GNAI3: variants seen among roughly 807,000 people sequenced by gnomAD.
GNAI3 encodes G protein subunit alpha i3.
Under a neutral mutation model 41.8 loss-of-function variants are expected in GNAI3, and 12 were observed. The ratio of observed to expected loss-of-function variants is 0.29; its 90% CI spans 0.18 to 0.47. GNAI3 has a LOEUF of 0.47. GNAI3 is among the 20% of genes least tolerant of loss of function. The pLI, the probability that GNAI3 is intolerant of heterozygous loss-of-function variation, is 1.00. For synonymous variants in GNAI3, 132 were observed against 146.5 expected (o/e 0.90, Z 0.71); for missense variants, 360 against 429.6 (o/e 0.84, Z 1.43).
chr1:109,571,050 T>C (rs899905385), intron 1 of GNAI3, among the ~76,000 whole-genome samples: 1 of 152,244 alleles, frequency 6.6e-6, no homozygotes, highest in Non-Finnish European at 1.5e-5. Flanking sequence ...TTTACTAATA[T>C]TTAATATACA....
At chr1:109,574,120 G>T in intron 3 of GNAI3, 83 bp downstream of exon 3, 1 of 955,852 alleles carries the variant, frequency 1.0e-6, no homozygotes, top group South Asian at 1.7e-5. Flanking sequence ...TCATGTTTTA[G>T]GGAAATGAAT....
chr1:109,563,553 G>C (rs1039038667), intron 1 of GNAI3, among the ~76,000 whole-genome samples: 2 of 151,970 alleles, frequency 1.3e-5, no homozygotes, highest in African/African-American at 2.4e-5. Context: ...TGAGTGAGCT[G>C]CCTTTTTTTT....
intron 5 of GNAI3, among the ~76,000 whole-genome samples, chr1:109,585,192 C>T (rs371591604): frequency 7.9e-5 from 12 of 152,222 alleles, no homozygotes; most frequent in African/African-American, 9.6e-5. Context: ...CTTCAAACAC[C>T]GATCACAAGT....
At chr1:109,577,306 T>A (rs1285840870) in intron 3 of GNAI3, among the ~76,000 whole-genome samples, 5 of 150,842 alleles carry the variant, frequency 3.3e-5, no homozygotes, top group Non-Finnish European at 5.9e-5. Flanking sequence ...AGATGGAGTT[T>A]TGCTCTGTCG....
intron 1 of GNAI3, among the ~76,000 whole-genome samples, chr1:109,551,164 C>G (rs1647974375): frequency 6.6e-6 from 1 of 152,196 alleles, no homozygotes; most frequent in South Asian, 2.1e-4. Flanking sequence ...TTAATTTTTA[C>G]CAACTTCATT....
At chr1:109,571,963 A>G (rs1410594953) in intron 1 of GNAI3, among the ~76,000 whole-genome samples, 1 of 151,954 alleles carries the variant, frequency 6.6e-6, no homozygotes, top group East Asian at 1.9e-4. Flanking sequence ...GAATGAGTTT[A>G]GATAGGGAAA....
chr1:109,594,646 A>ATTTTTTTTTTTTTTTTTTTT lies in GNAI3; in HGVS notation c.*2329_*2348dup, dbSNP rs34268993. ...CTTTTGGCTGGTGGGCTGGCAATCG[A>ATTTTTTTTTTTTTTTTTTTT]TTTTTTTTTTTTTTTTTTTTTTTTG... On this transcript the variant is annotated 3_prime_UTR_variant, in exon 9 of 9. Coordinates refer to ENST00000369851, the MANE Select transcript of GNAI3 (RefSeq NM_006496.4). 1.1e-5 allele frequency: 1 copy of ATTTTTTTTTTTTTTTTTTTT among 90,588 alleles called. No individual in the cohort carries two copies. 5.6% of individuals were successfully genotyped at this position (90,588 alleles called of 1,614,324 possible).
chr1:109,593,442 T>C lies in GNAI3; in HGVS notation c.*1120T>C, dbSNP rs572490772. The stretch of plus-strand genomic sequence containing the variant: ...AAACTGTTGCATTTTGGGACTTTTT[T>C]CCACTTTGTCATGTGTACATTTTTA... On this transcript the variant is annotated 3_prime_UTR_variant, in exon 9 of 9. Coordinates refer to ENST00000369851, the MANE Select transcript of GNAI3 (RefSeq NM_006496.4). The C allele has an allele frequency of 9.9e-4, 152 of 152,808 alleles. No individual in the cohort carries two copies. Among genetic ancestry groups the C allele is most frequent in the Non-Finnish European group, 1.7e-3 (117 of 68,046 alleles). The allele number at this position is 152,808 out of a possible 1,614,324, so 9.5% of individuals were successfully genotyped here.
chr1:109,559,345 G>C (rs1425432102), intron 1 of GNAI3, among the ~76,000 whole-genome samples: 1 of 152,188 alleles, frequency 6.6e-6, no homozygotes, highest in East Asian at 1.9e-4. Context: ...ACTCACATCA[G>C]AAATAGGAGA....
rs1395734664 is a variant in GNAI3, at chr1:109,557,108, G to A, written c.118+8270G>A. 3.3e-5 allele frequency among the ~76,000 whole-genome samples: 5 copies of A among 152,186 alleles called. No homozygotes were observed. In the Middle Eastern group the frequency reaches 0.014, roughly 414 times the overall value. On this transcript the variant is annotated intron_variant, in intron 1 of 8. Coordinates refer to ENST00000369851, the MANE Select transcript of GNAI3 (RefSeq NM_006496.4). ...GCACCACCGTGCCCAGCTATTTTTT[G>A]TATTTTTAGTAGAGACGGGGTTTCA...
chr1:109,567,333 A>G (rs10857792), intron 1 of GNAI3, among the ~76,000 whole-genome samples: 61,121 of 152,052 alleles, frequency 0.4, 14,306 homozygotes, highest in East Asian at 0.62. Context: ...GGAAGAGGAG[A>G]TGTTTCAGGT....
At chr1:109,574,359 C>A (rs1443516146) in intron 3 of GNAI3, among the ~76,000 whole-genome samples, 1 of 150,084 alleles carries the variant, frequency 6.7e-6, no homozygotes, top group Non-Finnish European at 1.5e-5. Flanking sequence ...TTAAAATAAT[C>A]TAAGAGAAAG....
chr1:109,566,747 G>A (rs1648465571), intron 1 of GNAI3, among the ~76,000 whole-genome samples: 1 of 152,134 alleles, frequency 6.6e-6, no homozygotes, highest in Admixed American at 6.6e-5. Context: ...ATTTTTAGTA[G>A]AGATGAGGTT....
Position 109,595,940 on chromosome 1 carries a change from A to AT in GNAI3, c.*3622dup, listed in dbSNP as rs1333662446. The stretch of plus-strand genomic sequence containing the variant: ...TCTTTCCTTTTCATGTGTAATACTG[A>AT]TTTTAAGAGCAATGATCTTAGTTTG... On this transcript the variant is annotated 3_prime_UTR_variant, in exon 9 of 9. Transcript: ENST00000369851. 1.3e-5 allele frequency: 2 copies of AT among 151,982 alleles called. No homozygotes were observed. The highest frequency in any genetic ancestry group is 2.9e-5 in the Non-Finnish European group (2 of 68,008). The allele number at this position is 151,982 out of a possible 1,614,324, so 9.4% of individuals were successfully genotyped here. A position where few individuals can be genotyped will look rare whatever the true frequency, so the allele number is the denominator to read the frequency against.
intron 4 of GNAI3, among the ~76,000 whole-genome samples, chr1:109,580,972 T>A (rs1339403808): frequency 6.6e-6 from 1 of 152,248 alleles, no homozygotes; most frequent in Non-Finnish European, 1.5e-5. Context: ...GCTTAAATAA[T>A]TCTACCAGTG....
chr1:109,584,513 C>T (rs149517432), intron 5 of GNAI3, among the ~76,000 whole-genome samples: 2 of 152,266 alleles, frequency 1.3e-5, no homozygotes, highest in Non-Finnish European at 2.9e-5. Context: ...TCTTTTTATG[C>T]CATGATCAAT....
chr1:109,583,723 G>A lies in GNAI3; in HGVS notation c.590+1158G>A, dbSNP rs550734678. 8.4e-4 allele frequency among the ~76,000 whole-genome samples: 127 copies of A among 151,910 alleles called. 1 individual carries two copies. Among genetic ancestry groups the A allele is most frequent in the African/African-American group, 2.7e-3 (113 of 41,468 alleles). On this transcript the variant is annotated intron_variant, in intron 5 of 8. Coordinates refer to ENST00000369851, the MANE Select transcript of GNAI3 (RefSeq NM_006496.4). ...AGCCTCCTGAGTAGCTGGGAGTACA[G>A]GTGCGTTGCACCACGCCCGGCTAAT...
At chr1:109,573,817 C>T (rs1648668716) in intron 2 of GNAI3, 38 bp downstream of exon 2, 2 of 1,591,350 alleles carry the variant, frequency 1.3e-6, no homozygotes, top group African/African-American at 2.7e-5. Context: ...ACTAGGATTT[C>T]TCCTAATGCA....
At chr1:109,590,231 AGG>A (rs1649134694) in intron 7 of GNAI3, among the ~76,000 whole-genome samples, 1 of 152,220 alleles carries the variant, frequency 6.6e-6, no homozygotes, top group African/African-American at 2.4e-5. Flanking sequence ...ACCAAGTTTT[AGG>A]ATTGGGGGAG....
Sources: allele counts gnomAD v4.1 joint callset (sites outside exome capture counted in the v4.1 genomes callset), GRCh38; gene constraint gnomAD v4.1.1; transcripts MANE v1.5; gene names NCBI Gene and HGNC (gene_info 2026-07-23, HGNC 2026-07-21).